The following BBX variants were observed in gnomAD, a reference collection of about 807,000 sequenced individuals.
BBX encodes HMG box transcription factor BBX.
Under a neutral mutation model 100.2 loss-of-function variants are expected in BBX, and 30 were observed. That is an observed-to-expected ratio of 0.30 (90% CI 0.22 to 0.41). The LOEUF (loss-of-function observed/expected upper bound fraction) is 0.41, where lower values mean the gene tolerates loss of function less well. Ranked by LOEUF, BBX falls within the 10% of genes least tolerant of loss-of-function variation. The pLI, the probability that BBX is intolerant of heterozygous loss-of-function variation, is 1.00. For synonymous variants in BBX, 376 were observed against 388.1 expected, an observed-to-expected ratio of 0.97 and a Z score of 0.37; for missense variants, 1,023 against 1,129.8, an observed-to-expected ratio of 0.91 and a Z score of 1.35.
At chr3:107,748,123 T>C in intron 9 of BBX, 84 bp downstream of exon 9, 1 of 1,171,534 alleles carries the variant, frequency 8.5e-7, no homozygotes, top group Non-Finnish European at 1.2e-6. Flanking sequence ...TAATGTATAG[T>C]GAACTTTAGG....
At chr3:107,779,996 T>G (rs904295027) in intron 13 of BBX, among the ~76,000 whole-genome samples, 1 of 152,120 alleles carries the variant, frequency 6.6e-6, no homozygotes, top group African/African-American at 2.4e-5. Flanking sequence ...TGTTGTTGCA[T>G]CGCCAAGTTT....
chr3:107,604,506 A>C (rs2107632392), intron 2 of BBX, among the ~76,000 whole-genome samples: 1 of 152,202 alleles, frequency 6.6e-6, no homozygotes, highest in East Asian at 1.9e-4. Context: ...TGAGCCTATC[A>C]TTCTAGATGT....
chr3:107,603,937 C>G (rs2054245153), intron 2 of BBX, among the ~76,000 whole-genome samples: 1 of 151,740 alleles, frequency 6.6e-6, no homozygotes, highest in Non-Finnish European at 1.5e-5. Context: ...ACTGGGAAAC[C>G]AAAAAGTTGG....
chr3:107,603,366 G>A (rs1490463889), intron 2 of BBX, among the ~76,000 whole-genome samples: 1 of 151,242 alleles, frequency 6.6e-6, no homozygotes, highest in African/African-American at 2.4e-5. Flanking sequence ...AAACTTTCTT[G>A]TCATCTTATT....
chr3:107,672,857 C>T (rs1242818823), intron 3 of BBX, among the ~76,000 whole-genome samples: 1 of 151,952 alleles, frequency 6.6e-6, no homozygotes, highest in East Asian at 1.9e-4. Flanking sequence ...TCACGATTTA[C>T]TTTTTAAAAA....
At chr3:107,687,100 C>T (rs2059890636) in intron 3 of BBX, among the ~76,000 whole-genome samples, 1 of 151,684 alleles carries the variant, frequency 6.6e-6, no homozygotes, top group African/African-American at 2.4e-5. Flanking sequence ...GTTATTTTTT[C>T]CTTAGTACAG....
At chr3:107,667,051 G>A (rs967413828) in intron 3 of BBX, among the ~76,000 whole-genome samples, 2 of 152,150 alleles carry the variant, frequency 1.3e-5, no homozygotes, top group Non-Finnish European at 1.5e-5. Context: ...TTAAGGAAAC[G>A]TATTATGCCC....
chr3:107,705,685 A>C (rs1054176137), intron 3 of BBX, among the ~76,000 whole-genome samples: 1 of 152,242 alleles, frequency 6.6e-6, no homozygotes, highest in African/African-American at 2.4e-5. Context: ...CATGCTTCCC[A>C]GTCTAAAAAG....
At position 107,553,483 on chromosome 3, in the gene BBX, C is replaced by T. The variant is rs181548226; in HGVS notation, c.-84+27085C>T. ...AGTAATTATTGCTAAAATCTAAGTC[C>T]TGGCTTTTTAACGTATGGGCTAAAG... On this transcript the variant is annotated intron_variant, in intron 2 of 17. Coordinates refer to ENST00000325805, the MANE Select transcript of BBX (RefSeq NM_001142568.3). 1.8e-3 allele frequency among the ~76,000 whole-genome samples: 274 copies of T among 152,226 alleles called. 1 individual carries two copies. The highest frequency in any genetic ancestry group is 6.2e-3 in the African/African-American group (258 of 41,540).
At chr3:107,650,892 G>A (rs557931284) in intron 3 of BBX, among the ~76,000 whole-genome samples, 5 of 152,284 alleles carry the variant, frequency 3.3e-5, no homozygotes, top group East Asian at 1.9e-4. Context: ...TTAAGATGCC[G>A]GAAAAGTCAG....
At chr3:107,551,314 C>G (rs977145578) in intron 2 of BBX, among the ~76,000 whole-genome samples, 2 of 152,162 alleles carry the variant, frequency 1.3e-5, no homozygotes, top group African/African-American at 4.8e-5. Flanking sequence ...AGTGACAACA[C>G]TTTGTTGATT....
chr3:107,670,708 A>T (rs912149642), intron 3 of BBX, among the ~76,000 whole-genome samples: 13 of 152,256 alleles, frequency 8.5e-5, no homozygotes, highest in Admixed American at 3.3e-4. Flanking sequence ...TGTTGAATAC[A>T]CTTGACTGGA....
At chr3:107,645,058 CATA>C (rs1346531144) in intron 2 of BBX, among the ~76,000 whole-genome samples, 2 of 152,130 alleles carry the variant, frequency 1.3e-5, no homozygotes, top group Non-Finnish European at 2.9e-5. Flanking sequence ...AATATATTGT[CATA>C]ATCTGCCTAG....
At chr3:107,619,026 C>T (rs559902580) in intron 2 of BBX, among the ~76,000 whole-genome samples, 1 of 151,916 alleles carries the variant, frequency 6.6e-6, no homozygotes, top group African/African-American at 2.4e-5. Flanking sequence ...GTCTGTTTCT[C>T]CTTTCGGTTC....
chr3:107,598,742 A>C (rs2053841719), intron 2 of BBX, among the ~76,000 whole-genome samples: 1 of 152,132 alleles, frequency 6.6e-6, no homozygotes, highest in Non-Finnish European at 1.5e-5. Context: ...TTGCTACATC[A>C]CACCTTCTGC....
chr3:107,767,658 G>T (rs182012936), intron 10 of BBX, among the ~76,000 whole-genome samples: 2 of 152,182 alleles, frequency 1.3e-5, no homozygotes, highest in East Asian at 3.9e-4. Flanking sequence ...TATTTTAATT[G>T]GAAAATCATT....
intron 3 of BBX, among the ~76,000 whole-genome samples, chr3:107,657,438 C>G (rs184995559): frequency 6.6e-6 from 1 of 152,106 alleles, no homozygotes; most frequent in Admixed American, 6.5e-5. Context: ...ATTTAGCTTT[C>G]ACTGTGTTTC....
chr3:107,558,788 CG>C (rs1335971998), intron 2 of BBX, among the ~76,000 whole-genome samples: 1 of 152,114 alleles, frequency 6.6e-6, no homozygotes. Flanking sequence ...AGCCTAGCAC[CG>C]GAGTCCATCT....
chr3:107,572,739 A>G (rs1309331589), intron 2 of BBX, among the ~76,000 whole-genome samples: 2 of 152,198 alleles, frequency 1.3e-5, no homozygotes, highest in Non-Finnish European at 2.9e-5. Flanking sequence ...TTAAAAATAT[A>G]CTGATTTACC....
Sources: gnomAD v4.1 joint callset for allele counts (sites outside exome capture counted in the v4.1 genomes callset) on GRCh38, gnomAD v4.1.1 for gene constraint, MANE v1.5 for transcripts, NCBI Gene and HGNC (gene_info 2026-07-23, HGNC 2026-07-21) for gene names.